MYH7: variants seen among roughly 807,000 people sequenced by gnomAD.
The protein encoded by MYH7 is myosin-7.
A neutral mutation model predicts 225.4 loss-of-function variants in MYH7; 129 were observed. The observed-to-expected ratio is 0.57, with a 90% CI of 0.50 to 0.66. The LOEUF (loss-of-function observed/expected upper bound fraction) is 0.66, where lower values mean the gene tolerates loss of function less well. MYH7 is among the 30% of genes least tolerant of loss of function. MYH7 has a pLI of 0.00. For synonymous variants in MYH7, 971 were observed against 1,007.6 expected (o/e 0.96, Z 0.69); for missense variants, 1,649 against 2,517.0 (o/e 0.66, Z 7.38).
chr14:23,414,191 C>T, intron 37 of MYH7, 89 bp from the exon 38 acceptor site: 1 of 1,136,070 alleles, frequency 8.8e-7, no homozygotes, highest in Non-Finnish European at 1.3e-6. Flanking sequence ...ATCTGATATC[C>T]TGACCCAATT....
chr14:23,432,868 A>G, intron 4 of MYH7, 73 bp from the exon 5 acceptor site: 1 of 1,589,306 alleles, frequency 6.3e-7, no homozygotes, highest in Non-Finnish European at 8.6e-7. Context: ...AGTTAGAGAA[A>G]GATCCCAGGA....
intron 29 of MYH7, 62 bp downstream of exon 29, chr14:23,419,115 T>A (rs28730782): frequency 5.6e-6 from 7 of 1,243,696 alleles, no homozygotes; most frequent in Non-Finnish European, 7.9e-6. Flanking sequence ...GGGAAGTGAT[T>A]TGATGCAAGG....
At chr14:23,428,798 A>G (rs1323557108) in intron 14 of MYH7, 128 bp from the exon 15 acceptor site, 4 of 1,576,230 alleles carry the variant, frequency 2.5e-6, no homozygotes, top group African/African-American at 2.7e-5. Flanking sequence ...GCAGTGAAGG[A>G]GGGCTTCCCC....
chr14:23,427,203 T>C, intron 17 of MYH7, 37 bp downstream of exon 17: 1 of 1,609,388 alleles, frequency 6.2e-7, no homozygotes, highest in Non-Finnish European at 8.5e-7. Flanking sequence ...GTTGGGCAGA[T>C]GGGGAGCCAA....
At chr14:23,419,424 T>A (rs1337393525) in intron 28 of MYH7, 59 bp downstream of exon 28, 3 of 1,610,650 alleles carry the variant, frequency 1.9e-6, no homozygotes, top group South Asian at 1.1e-5. Flanking sequence ...GAGGCTGGAG[T>A]GGCTCAGGAG....
rs759226950 is a variant in MYH7 at position 23,427,658 on chromosome 14, G to A, written c.1815C>T (p.Val605=). ...GGGAAGACTTCTGATACAAGCCCAC[G>A]ACAGTCTCATTGAGAGGATCCTTGT... The part of the protein sequence containing the change: ...QKNKDPLNET[V]VGLYQKSSLK... The change falls in exon 16 of 40, where the codon GTC becomes GTT. Residue 605 remains valine, a synonymous_variant. Coordinates refer to ENST00000355349, the MANE Select transcript of MYH7 (RefSeq NM_000257.4). 3 of 1,614,184 alleles carry A rather than the reference G, an allele frequency of 1.9e-6. No homozygotes were observed. The highest frequency in any genetic ancestry group is 1.1e-5 in the South Asian group (1 of 91,080).
At position 23,417,550 on chromosome 14, in the gene MYH7, T is replaced by C. The variant is rs1892272742; in HGVS notation, c.4306A>G (p.Asn1436Asp). Reference protein sequence around the residue: ...EDLMVDVERSNAAAAALDKKQ... With the variant: ...EDLMVDVERSDAAAAALDKKQ... ...TTGTCCAGGGCTGCAGCAGCAGCATTGGAGCGCTCTACGTCCACCATCAAG... is the reference window on the plus strand; with the variant it reads ...TTGTCCAGGGCTGCAGCAGCAGCATCGGAGCGCTCTACGTCCACCATCAAG... Residue 1436 changes from asparagine to aspartate, a missense_variant, in exon 31 of 40, where the codon AAT (asparagine) becomes GAT (aspartate). By Grantham distance (23) the Asn-to-Asp change is conservative (BLOSUM62 1). Transcript: ENST00000355349. 1 of 1,612,374 alleles carries C rather than the reference T, an allele frequency of 6.2e-7. No individual in the cohort carries two copies. The highest frequency in any genetic ancestry group is 8.5e-7 in the Non-Finnish European group (1 of 1,180,038).
At chr14:23,431,317 A>AG in intron 9 of MYH7, 101 bp downstream of exon 9, 5 of 1,196,478 alleles carry the variant, frequency 4.2e-6, no homozygotes, top group Non-Finnish European at 6.2e-6. Flanking sequence ...CTTAAAGAGG[A>AG]GAAAAACAGA....
At position 23,424,217 on chromosome 14, in the gene MYH7, G is replaced by A. The variant is rs1837334922; in HGVS notation, c.2680-68C>T. The A allele has an allele frequency of 1.9e-5, 30 of 1,598,588 alleles. No individual in the cohort carries two copies. In the South Asian group the frequency reaches 2.2e-4, roughly 12 times the overall value. On this transcript the variant is annotated intron_variant, in intron 22 of 39. Transcript: ENST00000355349. ...TCCTCATTCTTGCAGGTAGAGGGAAGGAGAGGCACATCACTCAAATAGGAG... is the reference window on the plus strand; with the variant it reads ...TCCTCATTCTTGCAGGTAGAGGGAAAGAGAGGCACATCACTCAAATAGGAG...
At chr14:23,428,896 C>A (rs555358506) in intron 14 of MYH7, 59 bp downstream of exon 14, 296 of 1,613,120 alleles carry the variant, frequency 1.8e-4, no homozygotes, top group Non-Finnish European at 2.5e-4. Flanking sequence ...AAGCAAATAG[C>A]TGTTGAATGT....
At chr14:23,428,111 T>C (rs1892769152) in intron 15 of MYH7, among the ~76,000 whole-genome samples, 1 of 152,150 alleles carries the variant, frequency 6.6e-6, no homozygotes, top group Admixed American at 6.5e-5. Context: ...GAATATGGAT[T>C]CTATCGATGC....
intron 37 of MYH7, among the ~76,000 whole-genome samples, chr14:23,414,389 C>T (rs972903736): frequency 5.3e-5 from 8 of 152,100 alleles, no homozygotes; most frequent in East Asian, 1.9e-4. Flanking sequence ...GGACCCCATG[C>T]GGGATGAAGT....
chr14:23,419,326 C>T (rs146118180), intron 28 of MYH7, 31 bp from the exon 29 acceptor site: 4 of 1,613,414 alleles, frequency 2.5e-6, no homozygotes, highest in Non-Finnish European at 3.4e-6. Context: ...ATCAGCACTC[C>T]TCTCTATCCC....
At chr14:23,416,830 T>C in intron 33 of MYH7, 38 bp downstream of exon 33, 1 of 1,613,624 alleles carries the variant, frequency 6.2e-7, no homozygotes. Context: ...AGCCTGGAGC[T>C]CAGCTCCCTG....
Position 23,414,061 on chromosome 14 carries a change from C to A in MYH7, c.5601G>T (p.Leu1867=). 1 of 1,613,970 alleles carries A rather than the reference C, an allele frequency of 6.2e-7. No individual in the cohort carries two copies. Among genetic ancestry groups the A allele is most frequent in the South Asian group, 1.1e-5 (1 of 91,080 alleles). Residue 1867 remains leucine, a synonymous_variant, in exon 38 of 40, where the codon CTG becomes CTT. Transcript: ENST00000355349. ...TGACCTTTAGCTGCAGCTTGTCTAC[C>A]AGGTCCTGCAGCCGCAGCAGGTTTT... ...DRKNLLRLQD[L]VDKLQLKVKA...
At chr14:23,417,892 A>AG in intron 30 of MYH7, 1 of 896,072 alleles carries the variant, frequency 1.1e-6, no homozygotes, top group Non-Finnish European at 1.9e-6. Flanking sequence ...ACCCTGGCCC[A>AG]GCCTCTGCGC....
intron 22 of MYH7, among the ~76,000 whole-genome samples, 178 bp from the exon 23 acceptor site, chr14:23,424,327 C>T (rs1182500097): frequency 6.6e-6 from 1 of 152,128 alleles, no homozygotes; most frequent in African/African-American, 2.4e-5. Flanking sequence ...CTTGGGAACA[C>T]TGGGGAGGGG....
chr14:23,416,057 G>T lies in MYH7; in HGVS notation c.4900C>A (p.Arg1634Ser), dbSNP rs397516232. 2.5e-6 allele frequency: 4 copies of T among 1,614,088 alleles called. No individual in the cohort carries two copies. The Admixed American group carries it at 5.0e-5, about 20-fold the overall frequency. The change falls in exon 34 of 40, where the codon CGC becomes AGC. Residue 1634 changes from arginine (R) to serine (S), a missense_variant. Arg to Ser is a moderately radical substitution (Grantham distance 110, BLOSUM62 -1). This residue lies in a region of MYH7 where 687 missense variants were observed against 913.8 expected (regional missense o/e 0.75). Coordinates refer to ENST00000355349, the MANE Select transcript of MYH7 (RefSeq NM_000257.4). ...EMEIQLSHAN[R>S]MAAEAQKQVK... ...TGCTTCTGGGCCTCGGCGGCCATGCGGTTGGCGTGGCTGAGCTGGATCTCC... is the reference window on the plus strand; with the variant it reads ...TGCTTCTGGGCCTCGGCGGCCATGCTGTTGGCGTGGCTGAGCTGGATCTCC...
chr14:23,429,970 A>G, intron 11 of MYH7, 57 bp from the exon 12 acceptor site: 2 of 1,603,244 alleles, frequency 1.2e-6, no homozygotes. Context: ...TGGGTAAGTG[A>G]GATCCCTTGT....
Sources: gnomAD v4.1 joint callset for allele counts (sites outside exome capture counted in the v4.1 genomes callset) on GRCh38, gnomAD v4.1.1 for gene constraint, gnomAD v4.1.1 regional missense constraint, MANE v1.5 for transcripts, NCBI Gene and HGNC (gene_info 2026-07-23, HGNC 2026-07-21) for gene names.